The following PARD3 variants were observed in gnomAD, a reference collection of about 807,000 sequenced individuals.
PARD3 encodes the protein par-3 family cell polarity regulator, also known as partitioning defective 3 homolog.
Under a neutral mutation model 155.4 loss-of-function variants are expected in PARD3, and 75 were observed. The ratio of observed to expected loss-of-function variants is 0.48; its 90% confidence interval spans 0.40 to 0.58. The LOEUF (loss-of-function observed/expected upper bound fraction) is 0.58, where lower values mean the gene tolerates loss of function less well. PARD3 is among the 20% of genes least tolerant of loss of function. The probability of loss-of-function intolerance (pLI) is 0.00; values close to 1 mark genes in which losing one functional copy is unlikely to be tolerated. For missense variants in PARD3, 1,642 were observed against 1,721.7 expected (o/e 0.95, Z 0.82); for synonymous variants, 576 against 610.5 (o/e 0.94, Z 0.83).
chr10:34,342,190 G>A (rs1836900314), intron 15 of PARD3, among the ~76,000 whole-genome samples: 1 of 152,222 alleles, frequency 6.6e-6, no homozygotes, highest in African/African-American at 2.4e-5. Context: ...CCACTAACTT[G>A]CATTGTTTAT....
chr10:34,422,932 A>G (rs950149114), intron 5 of PARD3, among the ~76,000 whole-genome samples: 1 of 152,184 alleles, frequency 6.6e-6, no homozygotes, highest in Non-Finnish European at 1.5e-5. Flanking sequence ...ACCACTGGGC[A>G]TGTATCCAAA....
intron 22 of PARD3, among the ~76,000 whole-genome samples, chr10:34,172,493 T>A (rs1822128): frequency 0.2 from 30,175 of 152,036 alleles, 3,816 homozygotes; most frequent in Non-Finnish European, 0.26. Context: ...AGTGATTTCT[T>A]CCATGTAATG....
At chr10:34,784,251 T>C (rs1840657099) in intron 1 of PARD3, among the ~76,000 whole-genome samples, 1 of 151,908 alleles carries the variant, frequency 6.6e-6, no homozygotes, top group African/African-American at 2.4e-5. Context: ...AAGTTAATAG[T>C]ATTCCAAGTC....
At chr10:34,343,363 T>A (rs1272284802) in intron 15 of PARD3, 1 of 982,538 alleles carries the variant, frequency 1.0e-6, no homozygotes, top group Non-Finnish European at 1.2e-6. Flanking sequence ...AACAAAGCAA[T>A]ATGAACACTG....
chr10:34,348,096 G>A lies in PARD3; in HGVS notation c.2087C>T (p.Pro696Leu), dbSNP rs367781701. 6.6e-5 allele frequency: 107 copies of A among 1,609,660 alleles called. No homozygotes were observed. Among genetic ancestry groups the A allele is most frequent in the South Asian group, 1.0e-4 (9 of 89,858 alleles). ...KCNELKSPGS[P>L]PGPELPIETA... ...TTCAATGGGCAGCTCAGGTCCAGGG[G>A]GGCTCCCAGGTGACTTCAGCTACAG... Residue 696 changes from proline (P) to leucine (L), a missense_variant, in exon 15 of 25, where the codon CCC (proline) becomes CTC (leucine). This residue lies in a region of PARD3 where 1,529 missense variants were observed against 1,587.3 expected (regional missense o/e 0.96). Coordinates refer to ENST00000374788, the MANE Select transcript of PARD3 (RefSeq NM_001184785.2).
intron 19 of PARD3, among the ~76,000 whole-genome samples, chr10:34,317,712 G>A (rs907680222): frequency 1.3e-5 from 2 of 152,150 alleles, no homozygotes; most frequent in African/African-American, 2.4e-5. Context: ...TGAAAAGAAA[G>A]AAAATAAGCA....
intron 6 of PARD3, among the ~76,000 whole-genome samples, chr10:34,399,945 T>C (rs1015717958): frequency 6.6e-6 from 1 of 152,204 alleles, no homozygotes; most frequent in African/African-American, 2.4e-5. Flanking sequence ...AATAATCCAA[T>C]GAGACCAAAG....
chr10:34,629,055 A>T (rs930964855), intron 2 of PARD3, among the ~76,000 whole-genome samples: 2 of 152,174 alleles, frequency 1.3e-5, no homozygotes, highest in African/African-American at 4.8e-5. Flanking sequence ...CTTCACCACG[A>T]TCTCTATCAG....
At chr10:34,324,950 G>C (rs1564586524) in intron 19 of PARD3, among the ~76,000 whole-genome samples, 1 of 152,082 alleles carries the variant, frequency 6.6e-6, no homozygotes, top group Non-Finnish European at 1.5e-5. Flanking sequence ...CTCTACCCCA[G>C]AGTCCCATCA....
intron 22 of PARD3, among the ~76,000 whole-genome samples, chr10:34,262,991 A>G (rs746425705): frequency 1.1e-4 from 17 of 152,370 alleles, no homozygotes; most frequent in South Asian, 4.1e-4. Context: ...TTTATGGAGA[A>G]TACTTAGGAG....
chr10:34,261,801 G>GAAAA (rs150877995), intron 22 of PARD3, among the ~76,000 whole-genome samples: 1 of 138,670 alleles, frequency 7.2e-6, no homozygotes, highest in Non-Finnish European at 1.6e-5. Context: ...AAGAAAGAAA[G>GAAAA]AAAGAAAGAA....
At chr10:34,324,478 G>A (rs988328528) in intron 19 of PARD3, among the ~76,000 whole-genome samples, 4 of 152,100 alleles carry the variant, frequency 2.6e-5, no homozygotes, top group African/African-American at 2.4e-5. Context: ...TACACCTCAC[G>A]AAGTGTGCAC....
intron 1 of PARD3, among the ~76,000 whole-genome samples, chr10:34,727,876 C>A (rs1039384922): frequency 9.4e-6 from 1 of 106,192 alleles, no homozygotes; most frequent in African/African-American, 3.6e-5. Flanking sequence ...CCCCTCCCTC[C>A]GCCACACACA....
chr10:34,771,703 AG>A (rs1218229712), intron 1 of PARD3, among the ~76,000 whole-genome samples: 1 of 152,216 alleles, frequency 6.6e-6, no homozygotes, highest in African/African-American at 2.4e-5. Context: ...ATGAAGCAAG[AG>A]GTGCTTAGAC....
intron 2 of PARD3, among the ~76,000 whole-genome samples, chr10:34,601,391 T>C (rs1237750259): frequency 6.6e-6 from 1 of 152,066 alleles, no homozygotes; most frequent in African/African-American, 2.4e-5. Flanking sequence ...CAGTGAGCTA[T>C]AAGTGCGCCA....
rs189815332 is a variant in PARD3, at chr10:34,560,123, T to C, written c.223-42964A>G. ...GGTAAATCTTTGGCTTCCGAGGAAA[T>C]AGAAATTATTTCTAAGACTCACAGG... On this transcript the variant is annotated intron_variant, in intron 2 of 24. Transcript: ENST00000374788. Among the ~76,000 whole-genome samples the C allele has an allele frequency of 7.9e-5, 12 of 152,310 alleles. No individual in the cohort carries two copies. In the East Asian group the frequency reaches 1.7e-3, roughly 22 times the overall value.
intron 1 of PARD3, among the ~76,000 whole-genome samples, chr10:34,743,227 T>A (rs1396727923): frequency 6.6e-6 from 1 of 152,160 alleles, no homozygotes; most frequent in Non-Finnish European, 1.5e-5. Flanking sequence ...TAGGCCACGG[T>A]ACTCCTCTGC....
At chr10:34,196,814 C>T (rs1394226873) in intron 22 of PARD3, among the ~76,000 whole-genome samples, 1 of 152,040 alleles carries the variant, frequency 6.6e-6, no homozygotes, top group South Asian at 2.1e-4. Flanking sequence ...ACCTCATGAT[C>T]CGCCCACCTT....
At chr10:34,681,763 TA>T (rs2133345782) in intron 2 of PARD3, among the ~76,000 whole-genome samples, 1 of 22,084 alleles carries the variant, frequency 4.5e-5, no homozygotes, top group Non-Finnish European at 7.4e-5. Flanking sequence ...TATATATATA[TA>T]TATATTTTTT....
Sources: gnomAD v4.1 joint callset for allele counts (sites outside exome capture counted in the v4.1 genomes callset) on GRCh38, gnomAD v4.1.1 for gene constraint, gnomAD v4.1.1 regional missense constraint, MANE v1.5 for transcripts, NCBI Gene and HGNC (gene_info 2026-07-23, HGNC 2026-07-21) for gene names.